The following DNAH9 variants were observed in gnomAD, a reference collection of about 807,000 sequenced individuals.
The protein encoded by DNAH9 is dynein axonemal heavy chain 9, also known as DNAH9 variant protein.
In DNAH9, 345 loss-of-function variants were observed where a neutral mutation model predicts 471.6. That is an observed-to-expected ratio of 0.73 (90% CI 0.67 to 0.80). DNAH9 has a LOEUF of 0.80. Among genes scored for constraint, DNAH9 ranks in the 30% least tolerant of loss-of-function variants. The pLI is 0.00. For synonymous variants in DNAH9, 2,093 were observed against 2,123.6 expected (o/e 0.99, Z 0.40); for missense variants, 5,407 against 5,609.2 (o/e 0.96, Z 1.15).
At chr17:11,781,410 C>T (rs1260664445) in intron 39 of DNAH9, among the ~76,000 whole-genome samples, 2 of 152,138 alleles carry the variant, frequency 1.3e-5, no homozygotes, top group Non-Finnish European at 2.9e-5. Context: ...GAGCTCTCAT[C>T]TAAGGAAAAA....
At chr17:11,784,970 C>CA (rs1417135720) in intron 41 of DNAH9, among the ~76,000 whole-genome samples, 1 of 152,080 alleles carries the variant, frequency 6.6e-6, no homozygotes, top group African/African-American at 2.4e-5. Flanking sequence ...TCTGCTTCCT[C>CA]AAAAAACCAC....
In DNAH9 at chr17:11,810,388, T is replaced by C. The variant is rs752178998; in HGVS notation, c.8707+19T>C. Reference sequence around the variant, plus strand: ...GCATCTGGTAAGAGATTCCTTGCACTTGGTGTCACTGATAAATTCCCCCTG... The same window carrying C: ...GCATCTGGTAAGAGATTCCTTGCACCTGGTGTCACTGATAAATTCCCCCTG... On this transcript the variant is annotated intron_variant, in intron 45 of 68. Transcript: ENST00000262442. 2 of 1,604,420 alleles carry C rather than the reference T, an allele frequency of 1.2e-6. No individual in the cohort carries two copies. Among genetic ancestry groups the C allele is most frequent in the South Asian group, 1.1e-5 (1 of 88,932 alleles).
intron 38 of DNAH9, among the ~76,000 whole-genome samples, chr17:11,773,972 A>G (rs1435890821): frequency 6.6e-6 from 1 of 151,924 alleles, no homozygotes; most frequent in East Asian, 1.9e-4. Flanking sequence ...TCTATCAAAA[A>G]TACAAAAAAA....
intron 60 of DNAH9, 78 bp from the exon 61 acceptor site, chr17:11,905,583 T>G: frequency 6.8e-7 from 1 of 1,470,714 alleles, no homozygotes. Context: ...TTCATTTCTA[T>G]AGGCCTCTAT....
intron 36 of DNAH9, among the ~76,000 whole-genome samples, chr17:11,766,896 G>A (rs1012662332): frequency 1.3e-5 from 2 of 152,006 alleles, no homozygotes; most frequent in East Asian, 1.9e-4. Flanking sequence ...TTGGACCCGG[G>A]AGGCAGAGGT....
chr17:11,844,767 A>C (rs1263654070), intron 49 of DNAH9, among the ~76,000 whole-genome samples: 1 of 152,132 alleles, frequency 6.6e-6, no homozygotes, highest in East Asian at 1.9e-4. Context: ...CTTGTGATAT[A>C]GATAAACTTG....
chr17:11,651,685 G>A (rs1161964013), intron 13 of DNAH9, among the ~76,000 whole-genome samples: 1 of 152,134 alleles, frequency 6.6e-6, no homozygotes, highest in African/African-American at 2.4e-5. Flanking sequence ...TCTTAAAGCA[G>A]TATGCATTGA....
At chr17:11,631,628 G>A (rs2150673252) in intron 7 of DNAH9, among the ~76,000 whole-genome samples, 1 of 139,330 alleles carries the variant, frequency 7.2e-6, no homozygotes, top group Non-Finnish European at 1.5e-5. Flanking sequence ...GTGACAGAGT[G>A]AGACTCTGTC....
intron 41 of DNAH9, among the ~76,000 whole-genome samples, chr17:11,787,084 T>C (rs1375080843): frequency 6.6e-6 from 1 of 152,184 alleles, no homozygotes; most frequent in Non-Finnish European, 1.5e-5. Flanking sequence ...TTTAACAGTG[T>C]TTAACTGATC....
chr17:11,879,577 T>C (rs899742986), intron 53 of DNAH9, among the ~76,000 whole-genome samples: 23 of 152,206 alleles, frequency 1.5e-4, no homozygotes, highest in Non-Finnish European at 2.5e-4. Context: ...TATTAAACTC[T>C]ACATAACACT....
chr17:11,744,737 C>T, intron 30 of DNAH9, 60 bp from the exon 31 acceptor site: 1 of 1,444,610 alleles, frequency 6.9e-7, no homozygotes, highest in Non-Finnish European at 9.5e-7. Flanking sequence ...ATTCTGCAGA[C>T]ACTCACCCCA....
intron 19 of DNAH9, 59 bp from the exon 20 acceptor site, chr17:11,689,507 A>G: frequency 7.0e-7 from 1 of 1,438,446 alleles, no homozygotes; most frequent in East Asian, 2.3e-5. Flanking sequence ...TACCTTAGAG[A>G]TGCTAGGAGA....
At chr17:11,760,214 G>A (rs1347341558) in intron 35 of DNAH9, among the ~76,000 whole-genome samples, 1 of 151,964 alleles carries the variant, frequency 6.6e-6, no homozygotes, top group African/African-American at 2.4e-5. Context: ...AAACATAAGA[G>A]TGCAGGTATC....
At chr17:11,610,762 C>A (rs1335560695) in intron 3 of DNAH9, among the ~76,000 whole-genome samples, 2 of 152,218 alleles carry the variant, frequency 1.3e-5, no homozygotes, top group African/African-American at 4.8e-5. Context: ...ATTCAATAAT[C>A]ATTTTTCCTT....
At chr17:11,924,353 C>T (rs1974241865) in intron 62 of DNAH9, among the ~76,000 whole-genome samples, 1 of 152,084 alleles carries the variant, frequency 6.6e-6, no homozygotes, top group South Asian at 2.1e-4. Flanking sequence ...TGCTCTTCGT[C>T]ACGGGCATGA....
chr17:11,652,371 T>TG, intron 13 of DNAH9, among the ~76,000 whole-genome samples: 1 of 141,582 alleles, frequency 7.1e-6, no homozygotes, highest in Non-Finnish European at 1.5e-5. Context: ...CTGCAAGCTC[T>TG]GCCTCCCGGG....
chr17:11,679,103 G>T (rs1317417884), intron 17 of DNAH9, among the ~76,000 whole-genome samples: 1 of 151,800 alleles, frequency 6.6e-6, no homozygotes, highest in African/African-American at 2.4e-5. Context: ...CACATTTTAA[G>T]CCTTCTCTTT....
rs1567849992 is a variant in DNAH9, at chr17:11,854,005, C to A, written c.9510C>A (p.Thr3170=). 3 of 1,612,764 alleles carry A rather than the reference C, an allele frequency of 1.9e-6. No individual in the cohort carries two copies. Among genetic ancestry groups the A allele is most frequent in the Non-Finnish European group, 2.5e-6 (3 of 1,179,034 alleles). ...ACCACCTCCTTCTCTTTTCCCAGAC[C>A]AACCTGACAGAGCTGAAGTCATTTG... ...AQAALNTLNK[T]NLTELKSFGS... The change falls in exon 50 of 69, where the codon ACC becomes ACA. Residue 3170 remains threonine (T), a splice_region_variant and synonymous_variant. Transcript: ENST00000262442.
intron 66 of DNAH9, 147 bp from the exon 67 acceptor site, chr17:11,942,156 C>A: frequency 8.7e-7 from 1 of 1,149,408 alleles, no homozygotes; most frequent in Non-Finnish European, 1.2e-6. Flanking sequence ...TTGACCTCGA[C>A]AAGCAGGCAA....
Sources: gnomAD v4.1 joint callset for allele counts (sites outside exome capture counted in the v4.1 genomes callset) on GRCh38, gnomAD v4.1.1 for gene constraint, MANE v1.5 for transcripts, NCBI Gene and HGNC (gene_info 2026-07-23, HGNC 2026-07-21) for gene names.